The following ADAMTS8 variants were observed in gnomAD, a reference collection of about 807,000 sequenced individuals.
ADAMTS8 encodes A disintegrin and metalloproteinase with thrombospondin motifs 8.
ADAMTS8 carries 50 observed loss-of-function variants against 64.4 expected under a neutral mutation model. The observed-to-expected ratio is 0.78, with a 90% CI of 0.62 to 0.98. ADAMTS8 has a LOEUF of 0.98. Ranked by LOEUF, ADAMTS8 falls within the 50% of genes least tolerant of loss-of-function variation. ADAMTS8 has a pLI of 0.00. For missense variants in ADAMTS8, 1,192 were observed against 1,208.2 expected (o/e 0.99, Z 0.20); for synonymous variants, 556 against 533.6 (o/e 1.04, Z -0.58).
chr11:130,427,985 AAGC>A lies in ADAMTS8; in HGVS notation c.299_301del (p.Cys100del). On this transcript the variant is annotated inframe_deletion, in exon 1 of 9. Coordinates refer to ENST00000257359, the MANE Select transcript of ADAMTS8 (RefSeq NM_007037.6). ...CTCCCCATTCACGGTGCCGGAGAAG[AAGC>A]AGCCGCGCAGCCCCCGCTCGCCCCC... is the stretch of plus-strand genomic sequence containing the variant. The A allele has an allele frequency of 6.5e-7, 1 of 1,529,676 alleles. No individual in the cohort carries two copies. The highest frequency in any genetic ancestry group is 8.7e-7 in the Non-Finnish European group (1 of 1,144,668). 94.8% of individuals were successfully genotyped at this position (1,529,676 alleles called of 1,614,324 possible).
At chr11:130,406,977 G>T (rs766353064) in intron 8 of ADAMTS8, among the ~76,000 whole-genome samples, 4 of 152,156 alleles carry the variant, frequency 2.6e-5, no homozygotes, top group Non-Finnish European at 4.4e-5. Context: ...GTGTCCACAG[G>T]CCCATCTGTC....
In ADAMTS8 at chr11:130,427,719, TCTC is replaced by T. The variant is rs770838591; in HGVS notation, c.565_567del (p.Glu189del). Reference sequence around the variant, plus strand: ...GCGCCTTCTGCCTCCTCTTCTTGGCTCTCCTCCTCGCTGTCCTCCTGGTGGTCT... The same window carrying T: ...GCGCCTTCTGCCTCCTCTTCTTGGCTCTCCTCGCTGTCCTCCTGGTGGTCT... On this transcript the variant is annotated inframe_deletion, in exon 1 of 9. Transcript: ENST00000257359. 6 of 1,595,224 alleles carry T rather than the reference TCTC, an allele frequency of 3.8e-6. No individual in the cohort carries two copies. Among genetic ancestry groups the T allele is most frequent in the South Asian group, 2.3e-5 (2 of 87,912 alleles).
intron 1 of ADAMTS8, among the ~76,000 whole-genome samples, chr11:130,424,612 C>G (rs964271900): frequency 1.3e-5 from 2 of 152,202 alleles, no homozygotes; most frequent in Admixed American, 6.5e-5. Flanking sequence ...GAGGTCTCCA[C>G]ATAAAGGACT....
At chr11:130,423,113 C>T (rs987330657) in intron 1 of ADAMTS8, among the ~76,000 whole-genome samples, 44 of 152,330 alleles carry the variant, frequency 2.9e-4, no homozygotes, top group African/African-American at 1.1e-3. Context: ...CTAACTGCCA[C>T]CCATCTTTGC....
At chr11:130,415,579 G>C (rs909720812) in intron 4 of ADAMTS8, among the ~76,000 whole-genome samples, 2 of 148,200 alleles carry the variant, frequency 1.3e-5, no homozygotes, top group Non-Finnish European at 3.0e-5. Flanking sequence ...CTGGGATTAC[G>C]GGCAGAAGCC....
intron 8 of ADAMTS8, among the ~76,000 whole-genome samples, chr11:130,407,900 A>G (rs1161851301): frequency 2.6e-5 from 4 of 152,196 alleles, no homozygotes; most frequent in African/African-American, 9.7e-5. Flanking sequence ...GACCATGGAA[A>G]TGAAAGCGCT....
At chr11:130,418,461 G>C (rs1299437254) in intron 2 of ADAMTS8, among the ~76,000 whole-genome samples, 1 of 152,228 alleles carries the variant, frequency 6.6e-6, no homozygotes, top group Non-Finnish European at 1.5e-5. Flanking sequence ...GTCTTGGCTG[G>C]ACTATGGGCG....
Position 130,411,738 on chromosome 11 carries a change from A to G in ADAMTS8, c.1567-138T>C. 3.5e-6 allele frequency: 3 copies of G among 859,132 alleles called. No individual in the cohort carries two copies. The highest frequency in any genetic ancestry group is 1.7e-5 in the South Asian group (1 of 57,472). The allele number at this position is 859,132 out of a possible 1,614,324, so 53.2% of individuals were successfully genotyped here. A position where few individuals can be genotyped will look rare whatever the true frequency, so the allele number is the denominator to read the frequency against. On this transcript the variant is annotated intron_variant, in intron 5 of 8. Coordinates refer to ENST00000257359, the MANE Select transcript of ADAMTS8 (RefSeq NM_007037.6). The surrounding 1 kb of genome is among the most constrained non-coding windows in gnomAD (Gnocchi z 4.2). ...GCATGGAGTGCCGTAAACTGCCTCA[A>G]TCATTTGTTTAATGACTGTGTGGCC... is the stretch of plus-strand genomic sequence containing the variant.
At chr11:130,423,020 G>A (rs1010178569) in intron 1 of ADAMTS8, among the ~76,000 whole-genome samples, 3 of 152,160 alleles carry the variant, frequency 2.0e-5, no homozygotes, top group Admixed American at 6.5e-5. Context: ...TGAAATAATC[G>A]AGGTACACAG....
chr11:130,413,873 T>C (rs1480158741), intron 5 of ADAMTS8, among the ~76,000 whole-genome samples: 2 of 152,328 alleles, frequency 1.3e-5, no homozygotes, highest in East Asian at 3.9e-4. Context: ...GAATTGACAG[T>C]GGCTCCATCT....
At chr11:130,417,109 A>AGT in intron 2 of ADAMTS8, 34 bp from the exon 3 acceptor site, 6 of 1,612,230 alleles carry the variant, frequency 3.7e-6, no homozygotes, top group African/African-American at 1.3e-5. Context: ...AGAGTGCATC[A>AGT]GTGTGTGTGT....
At chr11:130,420,765 A>G (rs1862088992) in intron 1 of ADAMTS8, among the ~76,000 whole-genome samples, 2 of 152,158 alleles carry the variant, frequency 1.3e-5, no homozygotes, top group South Asian at 4.1e-4. Context: ...AGCAATGTTT[A>G]GGCTGATGTA....
chr11:130,405,256 C>G lies in ADAMTS8; in HGVS notation c.*302G>C, dbSNP rs1861861334. Reference sequence around the variant, plus strand: ...AGTTTGCTAGTCCTTTGCAAACAGACTGACGCTGAGTGTCCTGTCTGAGTC... The same window carrying G: ...AGTTTGCTAGTCCTTTGCAAACAGAGTGACGCTGAGTGTCCTGTCTGAGTC... On this transcript the variant is annotated 3_prime_UTR_variant, in exon 9 of 9. Coordinates refer to ENST00000257359, the MANE Select transcript of ADAMTS8 (RefSeq NM_007037.6). 8.5e-7 allele frequency: 1 copy of G among 1,171,282 alleles called. No homozygotes were observed. The highest frequency in any genetic ancestry group is 1.6e-5 in the African/African-American group (1 of 63,334). The allele number at this position is 1,171,282 out of a possible 1,614,324, so 72.6% of individuals were successfully genotyped here.
rs369454651 is a variant in ADAMTS8, at chr11:130,427,729, G to T, written c.558C>A (p.Ser186Arg). 1.0e-5 allele frequency: 16 copies of T among 1,595,276 alleles called. No homozygotes were observed. The highest frequency in any genetic ancestry group is 1.7e-4 in the Middle Eastern group (1 of 6,052). Reference protein sequence around the residue: ...RQERGDHQEDSEEESQEEEAE... With the variant: ...RQERGDHQEDREEESQEEEAE... ...CCTCCTCTTCTTGGCTCTCCTCCTC[G>T]CTGTCCTCCTGGTGGTCTCCTCTCT... Residue 186 changes from serine (S) to arginine (R), a missense_variant, in exon 1 of 9, where the codon AGC becomes AGA. Physicochemically the swap from Ser to Arg is moderately radical, Grantham distance 110. Around this residue, in one of 5 missense-constraint regions of ADAMTS8, gnomAD observed 741 missense variants for 710.6 expected, o/e 1.04. Coordinates refer to ENST00000257359, the MANE Select transcript of ADAMTS8 (RefSeq NM_007037.6).
rs777593006 is a variant in ADAMTS8 at position 130,427,656 on chromosome 11, TC to T, written c.630del (p.Thr211ProfsTer34). On this transcript the variant is annotated frameshift_variant, in exon 1 of 9. Coordinates refer to ENST00000257359, the MANE Select transcript of ADAMTS8 (RefSeq NM_007037.6). LOFTEE classifies it high-confidence loss of function. The part of the protein sequence containing the change: ...EPPPPLGATS[R>X]TKRFVSEARF... ...CGCGCCTCAGACACAAACCGCTTGGTCCTACTCGTGGCCCCCAGGGGCGGTG... is the reference window on the plus strand; with the variant it reads ...CGCGCCTCAGACACAAACCGCTTGGTCTACTCGTGGCCCCCAGGGGCGGTG... 1.4e-5 allele frequency: 22 copies of T among 1,591,806 alleles called. No individual in the cohort carries two copies. Among genetic ancestry groups the T allele is most frequent in the Non-Finnish European group, 1.9e-5 (22 of 1,171,252 alleles).
chr11:130,425,491 A>G (rs1037574825), intron 1 of ADAMTS8, among the ~76,000 whole-genome samples: 1 of 151,796 alleles, frequency 6.6e-6, no homozygotes, highest in East Asian at 1.9e-4. Context: ...TTTGGTTCTT[A>G]GGTAGATGTC....
Position 130,428,019 on chromosome 11 carries a change from C to T in ADAMTS8, c.268G>A (p.Ala90Thr), listed in dbSNP as rs1473473821. 1 of 1,526,088 alleles carries T rather than the reference C, an allele frequency of 6.6e-7. No individual in the cohort carries two copies. The highest frequency in any genetic ancestry group is 8.7e-7 in the Non-Finnish European group (1 of 1,143,152). The allele number at this position is 1,526,088 out of a possible 1,614,324, so 94.5% of individuals were successfully genotyped here. ...KIERLGGSGR[A>T]TGGERGLRGC... ...CGCAGCCCCCGCTCGCCCCCGGTCG[C>T]CCGGCCGGAGCCCCCGAGGCGCTCG... The change falls in exon 1 of 9, where the codon GCG becomes ACG. Residue 90 changes from alanine (A) to threonine (T), a missense_variant. By Grantham distance (58) the Ala-to-Thr change is moderately conservative. Coordinates refer to ENST00000257359, the MANE Select transcript of ADAMTS8 (RefSeq NM_007037.6).
intron 1 of ADAMTS8, among the ~76,000 whole-genome samples, chr11:130,426,058 C>T (rs544914028): frequency 1.3e-5 from 2 of 152,340 alleles, no homozygotes; most frequent in African/African-American, 4.8e-5. Context: ...CCGCTCCGTG[C>T]TCTCAGGACA....
rs544040876 is a variant in ADAMTS8, at chr11:130,408,832, C to T, written c.1859G>A (p.Arg620Gln). The T allele has an allele frequency of 8.1e-5, 130 of 1,613,912 alleles. No individual in the cohort carries two copies. Among genetic ancestry groups the T allele is most frequent in the Non-Finnish European group, 9.9e-5 (117 of 1,179,960 alleles). Residue 620 changes from arginine to glutamine, a missense_variant, in exon 7 of 9, where the codon CGG becomes CAG. Coordinates refer to ENST00000257359, the MANE Select transcript of ADAMTS8 (RefSeq NM_007037.6). ...WVPKYAGVSPRDRCKLFCRAR... is the reference protein window; with the variant it reads ...WVPKYAGVSPQDRCKLFCRAR... ...TCGGCAGAACAACTTGCAGCGGTCC[C>T]GGGGGGACACCCCAGCATACTTGGG...
Sources: gnomAD v4.1 joint callset for allele counts (sites outside exome capture counted in the v4.1 genomes callset) on GRCh38, gnomAD v4.1.1 for gene constraint, gnomAD v4.1.1 regional missense constraint, Gnocchi (gnomAD v3.1) non-coding constraint, MANE v1.5 for transcripts, NCBI Gene and HGNC (gene_info 2026-07-23, HGNC 2026-07-21) for gene names.